The following FKBP15 variants were observed in gnomAD, a reference collection of about 807,000 sequenced individuals.
The protein encoded by FKBP15 is FKBP prolyl isomerase family member 15.
Under a neutral mutation model 158.1 loss-of-function variants are expected in FKBP15, and 106 were observed. The observed-to-expected ratio is 0.67, with a 90% CI of 0.57 to 0.79. FKBP15 has a LOEUF of 0.79. Among genes scored for constraint, FKBP15 ranks in the 30% least tolerant of loss-of-function variants. FKBP15 has a pLI of 0.00. For synonymous variants in FKBP15, 547 were observed against 548.6 expected (o/e 1.00, Z 0.04); for missense variants, 1,287 against 1,479.1 (o/e 0.87, Z 2.13).
Position 113,182,728 on chromosome 9 carries a change from C to T in FKBP15, c.1914+38G>A. 2.0e-6 allele frequency: 3 copies of T among 1,535,720 alleles called. No individual in the cohort carries two copies. The South Asian group carries it at 3.4e-5, about 17-fold the overall frequency. On this transcript the variant is annotated intron_variant, in intron 19 of 27. Transcript: ENST00000238256. ...CATGGGACCATTCCTTAGCTCTACC[C>T]ATCCTGACCTGGGCTTTTCTCTCCC...
At chr9:113,187,086 A>G (rs1830498122) in intron 14 of FKBP15, 1 of 152,310 alleles carries the variant, frequency 6.6e-6, no homozygotes, top group African/African-American at 2.4e-5. Flanking sequence ...CTTAGTCTAC[A>G]GCATAGTAAT....
At chr9:113,214,275 G>C (rs1023140479) in intron 1 of FKBP15, among the ~76,000 whole-genome samples, 1 of 152,214 alleles carries the variant, frequency 6.6e-6, no homozygotes, top group Non-Finnish European at 1.5e-5. Flanking sequence ...GATTACAGGT[G>C]TGAGCCACTG....
intron 26 of FKBP15, among the ~76,000 whole-genome samples, chr9:113,168,930 A>T (rs57247612): frequency 0.076 from 11,391 of 149,988 alleles, 509 homozygotes; most frequent in South Asian, 0.14. Flanking sequence ...CACTCCTTAA[A>T]CTCAAGAACC....
chr9:113,214,998 G>A (rs1281837762), intron 1 of FKBP15, among the ~76,000 whole-genome samples: 1 of 152,226 alleles, frequency 6.6e-6, no homozygotes. Context: ...GCCTTGCTCT[G>A]AATTAGGCTT....
chr9:113,194,002 G>A (rs201737331), intron 10 of FKBP15, 25 bp downstream of exon 10: 230 of 1,581,972 alleles, frequency 1.5e-4, no homozygotes, highest in Non-Finnish European at 1.9e-4. Flanking sequence ...CCATAAAAGA[G>A]CTTGATACAA....
intron 27 of FKBP15, among the ~76,000 whole-genome samples, chr9:113,167,663 T>C (rs1055661697): frequency 2.6e-5 from 4 of 152,176 alleles, no homozygotes; most frequent in Admixed American, 2.0e-4. Flanking sequence ...ATTTGCCCCA[T>C]TCACCCTCAT....
chr9:113,184,656 T>A lies in FKBP15; in HGVS notation c.1608+39A>T, dbSNP rs1320596543. 2 of 1,508,502 alleles carry A rather than the reference T, an allele frequency of 1.3e-6. No homozygotes were observed. The highest frequency in any genetic ancestry group is 1.9e-5 in the Admixed American group (1 of 52,472). The allele number at this position is 1,508,502 out of a possible 1,614,324, so 93.4% of individuals were successfully genotyped here. A position where few individuals can be genotyped will look rare whatever the true frequency, so the allele number is the denominator to read the frequency against. On this transcript the variant is annotated intron_variant, in intron 16 of 27. Transcript: ENST00000238256. This position sits in a 1 kb window ranked among gnomAD's most constrained non-coding sequence, Gnocchi z 4.5. ...CAGTTCTGGCTGCTCCCTGTTTACATCCCCACTTTCAACATCACCCCAACT... is the reference window on the plus strand; with the variant it reads ...CAGTTCTGGCTGCTCCCTGTTTACAACCCCACTTTCAACATCACCCCAACT...
Position 113,163,133 on chromosome 9 carries a change from T to A in FKBP15, c.*2945A>T. 1 of 449,992 alleles carries A rather than the reference T, an allele frequency of 2.2e-6. No homozygotes were observed. Among genetic ancestry groups the A allele is most frequent in the Non-Finnish European group, 3.9e-6 (1 of 253,430 alleles). 27.9% of individuals were successfully genotyped at this position (449,992 alleles called of 1,614,324 possible). A position where few individuals can be genotyped will look rare whatever the true frequency, so the allele number is the denominator to read the frequency against. On this transcript the variant is annotated 3_prime_UTR_variant, in exon 28 of 28. Coordinates refer to ENST00000238256, the MANE Select transcript of FKBP15 (RefSeq NM_015258.2). ...CAGCCTACGTAGGGCCCAGGCATGG[T>A]CTTGTGTCTTAAGACAGCTGCTGTG...
In FKBP15 at chr9:113,162,074, C is replaced by T. The variant is rs1457577110; in HGVS notation, c.*4004G>A. ...CTGCAGCTGTCCTGAAGCAATGTATCCCACTTGGTGGGAGGAGGATGACAA... is the reference window on the plus strand; with the variant it reads ...CTGCAGCTGTCCTGAAGCAATGTATTCCACTTGGTGGGAGGAGGATGACAA... On this transcript the variant is annotated 3_prime_UTR_variant, in exon 28 of 28. Coordinates refer to ENST00000238256, the MANE Select transcript of FKBP15 (RefSeq NM_015258.2). The T allele has an allele frequency of 8.5e-6, 3 of 351,648 alleles. No individual in the cohort carries two copies. The East Asian group carries it at 2.4e-4, about 28-fold the overall frequency. The allele number at this position is 351,648 out of a possible 1,614,324, so 21.8% of individuals were successfully genotyped here.
At position 113,169,865 on chromosome 9, in the gene FKBP15, T is replaced by C; in HGVS notation, c.2844A>G (p.Ala948=). The C allele has an allele frequency of 6.5e-7, 1 of 1,550,356 alleles. No homozygotes were observed. The highest frequency in any genetic ancestry group is 1.2e-5 in the South Asian group (1 of 83,962). Residue 948 remains alanine (A), a synonymous_variant, in exon 26 of 28, where the codon GCA becomes GCG. Transcript: ENST00000238256. ...ESSSEEEEEK[A]EERPRRPSQE... ...GGGAAGGTCTTCGTGGCCGCTCTTC[T>C]GCTTTTTCTTCTTCTTCTTCACTGC...
At position 113,161,731 on chromosome 9, in the gene FKBP15, G is replaced by C; in HGVS notation, c.*4347C>G. 1 of 1,606,654 alleles carries C rather than the reference G, an allele frequency of 6.2e-7. No individual in the cohort carries two copies. Among genetic ancestry groups the C allele is most frequent in the Non-Finnish European group, 8.5e-7 (1 of 1,174,146 alleles). The stretch of plus-strand genomic sequence containing the variant: ...CAGTGGGTATGGGAAAGGGGCAGAA[G>C]CCTCACATTCACCCTGAGAGACAGG... On this transcript the variant is annotated 3_prime_UTR_variant, in exon 28 of 28. Transcript: ENST00000238256.
intron 20 of FKBP15, among the ~76,000 whole-genome samples, chr9:113,177,554 C>T (rs1174150310): frequency 2.6e-5 from 4 of 152,038 alleles, no homozygotes; most frequent in East Asian, 3.9e-4. Context: ...GAGAACAGGG[C>T]GGAAGGATGG....
Position 113,161,767 on chromosome 9 carries a change from C to T in FKBP15, c.*4311G>A. On this transcript the variant is annotated 3_prime_UTR_variant, in exon 28 of 28. Transcript: ENST00000238256. ...ACCCTGAGAGACAGGCTGGCCCAGA[C>T]AGCATTAGCCCCACTTCACAGAGAG... 1 of 1,525,702 alleles carries T rather than the reference C, an allele frequency of 6.6e-7. No homozygotes were observed. The highest frequency in any genetic ancestry group is 2.3e-5 in the East Asian group (1 of 44,442). 94.5% of individuals were successfully genotyped at this position (1,525,702 alleles called of 1,614,324 possible).
intron 1 of FKBP15, among the ~76,000 whole-genome samples, chr9:113,217,817 G>A (rs371669444): frequency 6.6e-5 from 10 of 151,692 alleles, no homozygotes; most frequent in African/African-American, 2.4e-4. Flanking sequence ...CTCCAGCCTG[G>A]GCAACAGAGA....
At position 113,194,027 on chromosome 9, in the gene FKBP15, C is replaced by T. The variant is rs751618881; in HGVS notation, c.1007G>A (p.Gly336Glu). ...GCTTGATACAACTGCAGTATCTTACCCTGATTTGAAAGGTATTGATGTGGG... is the reference window on the plus strand; with the variant it reads ...GCTTGATACAACTGCAGTATCTTACTCTGATTTGAAAGGTATTGATGTGGG... Reference protein sequence around the residue: ...SPPTSIPFKSGEPALRTKSNS... With the variant: ...SPPTSIPFKSEEPALRTKSNS... Residue 336 changes from glycine to glutamate, a missense_variant and splice_region_variant, in exon 10 of 28, where the codon GGG becomes GAG. By Grantham distance (98) the Gly-to-Glu change is moderately conservative (BLOSUM62 -2). Transcript: ENST00000238256. 12 of 1,608,436 alleles carry T rather than the reference C, an allele frequency of 7.5e-6. No homozygotes were observed. In the South Asian group the frequency reaches 9.9e-5, roughly 13 times the overall value.
At chr9:113,186,405 T>C (rs370602545) in intron 14 of FKBP15, 42 bp from the exon 15 acceptor site, 57 of 1,362,236 alleles carry the variant, frequency 4.2e-5, no homozygotes, top group Non-Finnish European at 5.2e-5. Context: ...AAAACATTCA[T>C]GTCTTTCTTT....
chr9:113,191,968 AG>A (rs1274924505), intron 11 of FKBP15, among the ~76,000 whole-genome samples: 9 of 151,974 alleles, frequency 5.9e-5, no homozygotes, highest in African/African-American at 2.2e-4. Context: ...GAAAAGAAAA[AG>A]AAAAAGAAAG....
At chr9:113,195,534 G>C (rs1240246618) in intron 9 of FKBP15, among the ~76,000 whole-genome samples, 1 of 152,174 alleles carries the variant, frequency 6.6e-6, no homozygotes, top group Non-Finnish European at 1.5e-5. Flanking sequence ...AAGAAGGCTA[G>C]AGTGGCCCAG....
At position 113,190,573 on chromosome 9, in the gene FKBP15, G is replaced by A. The variant is rs142982699; in HGVS notation, c.1071C>T (p.Pro357=). 515 of 1,606,986 alleles carry A rather than the reference G, an allele frequency of 3.2e-4. 5 individuals carry two copies. The East Asian group carries it at 0.011, about 35-fold the overall frequency. ...AGATCAACTTGGCTTTGACTGCATCGGGACTCTAAAAAGAGAGGAAAGTCA... is the reference window on the plus strand; with the variant it reads ...AGATCAACTTGGCTTTGACTGCATCAGGACTCTAAAAAGAGAGGAAAGTCA... ...LSEQLAINTS[P]DAVKAKLISR... Residue 357 remains proline, a synonymous_variant, in exon 12 of 28, where the codon CCC becomes CCT. Transcript: ENST00000238256.
Sources: gnomAD v4.1 joint callset for allele counts (sites outside exome capture counted in the v4.1 genomes callset) on GRCh38, gnomAD v4.1.1 for gene constraint, Gnocchi (gnomAD v3.1) non-coding constraint, MANE v1.5 for transcripts, NCBI Gene and HGNC (gene_info 2026-07-23, HGNC 2026-07-21) for gene names.